DMD: variants seen among roughly 807,000 people sequenced by gnomAD.
The protein encoded by DMD is dystrophin.
DMD carries 63 observed loss-of-function variants against 330.1 expected under a neutral mutation model. The ratio of observed to expected loss-of-function variants is 0.19; its 90% CI spans 0.16 to 0.24. The LOEUF is 0.24. Among genes scored for constraint, DMD ranks in the 10% least tolerant of loss-of-function variants. The probability of loss-of-function intolerance (pLI) is 1.00; values close to 1 mark genes in which losing one functional copy is unlikely to be tolerated. For missense variants in DMD, 3,344 were observed against 2,684.1 expected (o/e 1.25, Z -5.43); for synonymous variants, 1,223 against 959.8 (o/e 1.27, Z -5.07).
chrX:31,411,761 G>A (rs890324102), intron 60 of DMD, among the ~76,000 whole-genome samples: 9 of 110,277 alleles, frequency 8.2e-5, no homozygotes, highest in Non-Finnish European at 1.1e-4. Context: ...AGCCTCCCGA[G>A]TAGCTGGGAC....
chrX:33,027,743 G>A (rs964647016), intron 1 of DMD, among the ~76,000 whole-genome samples: 2 of 111,747 alleles, frequency 1.8e-5, no homozygotes, highest in African/African-American at 6.5e-5. Flanking sequence ...ATATATTAAG[G>A]AAACTACCTT....
chrX:32,992,709 C>T lies in DMD; in HGVS notation c.93+27430G>A, dbSNP rs1311008309. On this transcript the variant is annotated intron_variant, in intron 2 of 78. Transcript: ENST00000357033. ...ATCACCTGAGGTCATGAGTTCAAGA[C>T]CAGCCTGGTCAACATGGTGAAACCC... Among the ~76,000 whole-genome samples the T allele has an allele frequency of 2.2e-4, 24 of 110,021 alleles. No individual in the cohort carries two copies. The Admixed American group carries it at 2.3e-3, about 11-fold the overall frequency.
At chrX:32,570,495 A>G (rs2052287878) in intron 15 of DMD, among the ~76,000 whole-genome samples, 1 of 112,160 alleles carries the variant, frequency 8.9e-6, no homozygotes, top group African/African-American at 3.2e-5. Flanking sequence ...CCCTGAGGCT[A>G]GCCAAGATTT....
At chrX:32,946,389 A>G (rs2090810694) in intron 2 of DMD, among the ~76,000 whole-genome samples, 1 of 111,647 alleles carries the variant, frequency 9.0e-6, no homozygotes, top group Non-Finnish European at 1.9e-5. Flanking sequence ...AACAATAACT[A>G]TTAAGAAAAG....
At chrX:32,512,639 A>C (rs954255674) in intron 18 of DMD, among the ~76,000 whole-genome samples, 4 of 112,359 alleles carry the variant, frequency 3.6e-5, no homozygotes, top group Non-Finnish European at 5.6e-5. Context: ...GTAAACAAAA[A>C]TTAGATCATT....
chrX:31,953,958 T>G (rs2095216363), intron 45 of DMD, among the ~76,000 whole-genome samples: 1 of 111,394 alleles, frequency 9.0e-6, no homozygotes, highest in South Asian at 3.8e-4. Flanking sequence ...GAAGTCCAAG[T>G]ACTCTGATTT....
chrX:31,171,536 GTTAT>G (rs774129617), intron 73 of DMD, among the ~76,000 whole-genome samples: 6 of 111,508 alleles, frequency 5.4e-5, no homozygotes, highest in Non-Finnish European at 1.1e-4. Context: ...TTCTCTTTAT[GTTAT>G]TTATTCACTT....
chrX:32,953,595 G>A (rs1485407152), intron 2 of DMD, among the ~76,000 whole-genome samples: 1 of 111,928 alleles, frequency 8.9e-6, no homozygotes, highest in Non-Finnish European at 1.9e-5. Context: ...CAAGGAGCTT[G>A]AGAAGAGAAA....
rs748513940 is a variant in DMD, at chrX:32,222,925, CT to C, written c.6291-5863del. 5.4e-5 allele frequency among the ~76,000 whole-genome samples: 6 copies of C among 111,817 alleles called. No homozygotes were observed. The Admixed American group carries it at 5.7e-4, about 11-fold the overall frequency. On this transcript the variant is annotated intron_variant, in intron 43 of 78. Transcript: ENST00000357033. Reference sequence around the variant, plus strand: ...ATTACATATATTTACTTTTTAAATGCTTTTTGTTGTGAAACATAATATAGGG... The same window carrying C: ...ATTACATATATTTACTTTTTAAATGCTTTTGTTGTGAAACATAATATAGGG...
intron 2 of DMD, among the ~76,000 whole-genome samples, chrX:32,944,593 TA>T (rs1460008086): frequency 9.5e-6 from 1 of 105,467 alleles, no homozygotes; most frequent in Non-Finnish European, 1.9e-5. Flanking sequence ...TCTGTTTGTA[TA>T]GACTTTTAGT....
intron 60 of DMD, among the ~76,000 whole-genome samples, chrX:31,379,129 G>A (rs1331500013): frequency 9.2e-6 from 1 of 109,151 alleles, no homozygotes; most frequent in Non-Finnish European, 1.9e-5. Context: ...CCCAAGCATC[G>A]CTCAGTCTTT....
chrX:32,690,745 G>T (rs1320068789), intron 9 of DMD, among the ~76,000 whole-genome samples: 3 of 111,468 alleles, frequency 2.7e-5, no homozygotes, highest in African/African-American at 6.5e-5. Flanking sequence ...AGGAGGAAAG[G>T]ATAATCTCTT....
chrX:32,649,990 G>C (rs2060039139), intron 9 of DMD, among the ~76,000 whole-genome samples: 1 of 111,299 alleles, frequency 9.0e-6, no homozygotes, highest in South Asian at 3.8e-4. Context: ...GGGGGCCAAA[G>C]TTCATTGAAA....
At chrX:32,585,397 A>T (rs982141497) in intron 13 of DMD, among the ~76,000 whole-genome samples, 1 of 111,932 alleles carries the variant, frequency 8.9e-6, no homozygotes, top group African/African-American at 3.2e-5. Flanking sequence ...ACTTGCATTC[A>T]TAAAGAATAT....
chrX:31,167,385 A>C (rs907743292), intron 74 of DMD, among the ~76,000 whole-genome samples: 2 of 112,078 alleles, frequency 1.8e-5, no homozygotes, highest in Non-Finnish European at 3.8e-5. Context: ...GATAGTTATC[A>C]GTACTCTTTA....
chrX:33,296,946 T>C (rs1169049697), intron 1 of DMD, among the ~76,000 whole-genome samples: 4 of 111,458 alleles, frequency 3.6e-5, no homozygotes, highest in Non-Finnish European at 7.6e-5. Context: ...ATTTGCTGAA[T>C]AGTGTTATTG....
At chrX:33,041,800 G>A (rs1211946939) in intron 1 of DMD, 3 of 934,618 alleles carry the variant, frequency 3.2e-6, no homozygotes, top group Non-Finnish European at 4.5e-6. Flanking sequence ...CCACTGCGGT[G>A]TGTTCAAGTA....
Position 32,287,604 on chromosome X carries a change from A to G in DMD, c.6215T>C (p.Val2072Ala). ...CTGGGAGAGAGCTTCCTGTAGCTTC[A>G]CCCTTTCCACAGGCGTTGCACTTTG... ...ALQSATPVER[V>A]KLQEALSQLD... Residue 2072 changes from valine (V) to alanine (A), a missense_variant, in exon 43 of 79, where the codon GTG becomes GCG. By Grantham distance (64) the Val-to-Ala change is moderately conservative. Transcript: ENST00000357033. 2 of 1,210,059 alleles carry G rather than the reference A, an allele frequency of 1.7e-6. No homozygotes were observed. The highest frequency in any genetic ancestry group is 2.2e-6 in the Non-Finnish European group (2 of 894,405).
rs1438847492 is a variant in DMD, at chrX:32,844,875, A to T, written c.187-15T>A. 8.4e-7 allele frequency: 1 copy of T among 1,187,004 alleles called. No individual in the cohort carries two copies. Among genetic ancestry groups the T allele is most frequent in the Non-Finnish European group, 1.1e-6 (1 of 873,058 alleles). On this transcript the variant is annotated splice_polypyrimidine_tract_variant and intron_variant, in intron 3 of 78. Transcript: ENST00000357033. ...TTTTCTTTTGGCTGAGAACAAAACAAAAGAGTGTTCACTGACCAGCAGAGA... is the reference window on the plus strand; with the variant it reads ...TTTTCTTTTGGCTGAGAACAAAACATAAGAGTGTTCACTGACCAGCAGAGA...
Sources: allele counts gnomAD v4.1 joint callset (sites outside exome capture counted in the v4.1 genomes callset), GRCh38; gene constraint gnomAD v4.1.1; transcripts MANE v1.5; gene names NCBI Gene and HGNC (gene_info 2026-07-23, HGNC 2026-07-21).